Variants in DIS3L2 observed in about 807,000 individuals in gnomAD.
The protein encoded by DIS3L2 is DIS3 like 3'-5' exoribonuclease 2.
Under a neutral mutation model 97.5 loss-of-function variants are expected in DIS3L2, and 34 were observed. The observed-to-expected ratio is 0.35, with a 90% CI of 0.27 to 0.46. The LOEUF (loss-of-function observed/expected upper bound fraction) is 0.46, where lower values mean the gene tolerates loss of function less well. Ranked by LOEUF, DIS3L2 falls within the 20% of genes least tolerant of loss-of-function variation. DIS3L2 has a pLI of 1.00. For missense variants in DIS3L2, 1,038 were observed against 1,146.0 expected (o/e 0.91, Z 1.36); for synonymous variants, 435 against 445.2 (o/e 0.98, Z 0.29).
chr2:232,016,825 C>T (rs914444413), intron 3 of DIS3L2, among the ~76,000 whole-genome samples: 1 of 152,044 alleles, frequency 6.6e-6, no homozygotes, highest in African/African-American at 2.4e-5. Context: ...TCTGAGAGCC[C>T]AGCTTCTGTA....
At chr2:232,322,955 CT>C (rs1695477738) in intron 14 of DIS3L2, among the ~76,000 whole-genome samples, 2 of 152,228 alleles carry the variant, frequency 1.3e-5, no homozygotes, top group Admixed American at 1.3e-4. Context: ...GCTTCCCCTG[CT>C]GGGGCTTGAA....
intron 8 of DIS3L2, among the ~76,000 whole-genome samples, chr2:232,159,367 T>A (rs1690586777): frequency 1.3e-5 from 2 of 152,234 alleles, no homozygotes; most frequent in Non-Finnish European, 2.9e-5. Context: ...CTAGCTGTCA[T>A]GAGTGAATCC....
intron 5 of DIS3L2, among the ~76,000 whole-genome samples, chr2:232,086,395 A>G (rs1390417674): frequency 6.8e-6 from 1 of 146,556 alleles, no homozygotes; most frequent in African/African-American, 2.5e-5. Context: ...GTATATGTAT[A>G]TGTGTATATA....
intron 5 of DIS3L2, among the ~76,000 whole-genome samples, chr2:232,053,855 A>G (rs540904194): frequency 4.1e-4 from 62 of 152,246 alleles, no homozygotes; most frequent in African/African-American, 1.4e-3. Context: ...TGGAGGCCAC[A>G]TTACACAGGG....
intron 14 of DIS3L2, chr2:232,329,049 C>T (rs1559215673): frequency 6.6e-6 from 1 of 152,286 alleles, no homozygotes; most frequent in African/African-American, 2.4e-5. Context: ...TGTGGGGAGC[C>T]ACATCCATTC....
intron 10 of DIS3L2, among the ~76,000 whole-genome samples, chr2:232,229,346 CT>C (rs1376391778): frequency 2.0e-5 from 3 of 152,194 alleles, no homozygotes; most frequent in Non-Finnish European, 4.4e-5. Flanking sequence ...CTTTGACCTG[CT>C]CACTTTGTAA....
At chr2:232,060,662 A>C (rs1025595144) in intron 5 of DIS3L2, among the ~76,000 whole-genome samples, 6 of 152,136 alleles carry the variant, frequency 3.9e-5, no homozygotes, top group Non-Finnish European at 7.4e-5. Context: ...CTTCATATAA[A>C]TTTGAAGATT....
intron 5 of DIS3L2, among the ~76,000 whole-genome samples, chr2:232,045,724 G>GA (rs1431288319): frequency 2.2e-5 from 3 of 139,338 alleles, no homozygotes; most frequent in Non-Finnish European, 4.6e-5. Flanking sequence ...GCCCAGGCTG[G>GA]AGTGCAGTGG....
chr2:232,000,645 TTCCTTTCCTTTCCTTTCTCTTTC>T (rs1372153104), intron 1 of DIS3L2, among the ~76,000 whole-genome samples: 2 of 145,398 alleles, frequency 1.4e-5, no homozygotes, highest in Non-Finnish European at 3.0e-5. Context: ...TTCCTTTCCT[TTCCTTTCCTTTCCTTTCTCTTTC>T]TCTCTTTCTC....
At chr2:232,079,711 G>A (rs1014413448) in intron 5 of DIS3L2, among the ~76,000 whole-genome samples, 1 of 151,856 alleles carries the variant, frequency 6.6e-6, no homozygotes, top group Non-Finnish European at 1.5e-5. Flanking sequence ...TCAGGGAAGT[G>A]TCTCTGACAG....
intron 5 of DIS3L2, among the ~76,000 whole-genome samples, chr2:232,066,575 G>A (rs1695861695): frequency 6.6e-6 from 1 of 151,878 alleles, no homozygotes; most frequent in African/African-American, 2.4e-5. Context: ...TAATAATACT[G>A]GTCTCATAAA....
At chr2:232,062,939 G>T (rs1695753441) in intron 5 of DIS3L2, among the ~76,000 whole-genome samples, 1 of 151,714 alleles carries the variant, frequency 6.6e-6, no homozygotes, top group Non-Finnish European at 1.5e-5. Flanking sequence ...GTTTGTTCTG[G>T]TTTCCCCCTT....
At chr2:232,021,045 A>G (rs1351966410) in intron 3 of DIS3L2, among the ~76,000 whole-genome samples, 1 of 152,180 alleles carries the variant, frequency 6.6e-6, no homozygotes, top group African/African-American at 2.4e-5. Flanking sequence ...AAGGACTCTC[A>G]AACAAGCCAA....
At chr2:232,337,637 C>A (rs1384393737), downstream of DIS3L2, among the ~76,000 whole-genome samples, 4 of 152,060 alleles carry the variant, frequency 2.6e-5, no homozygotes, top group Middle Eastern at 3.2e-3. Context: ...CGTGGCTTGG[C>A]GTCCCCGAGA....
In DIS3L2 at chr2:232,015,685, A is replaced by G. The variant is rs1187008016; in HGVS notation, c.210+14A>G. ...ACACTCATCCAGGTGCTTAAAATCT[A>G]CTGGAAGGCTATTCTCTGAATATGT... is the stretch of plus-strand genomic sequence containing the variant. On this transcript the variant is annotated intron_variant, in intron 3 of 20. Coordinates refer to ENST00000325385, the MANE Select transcript of DIS3L2 (RefSeq NM_152383.5). 6.2e-7 allele frequency: 1 copy of G among 1,612,720 alleles called. No individual in the cohort carries two copies. The highest frequency in any genetic ancestry group is 2.2e-5 in the East Asian group (1 of 44,876).
chr2:232,187,006 A>G (rs1691457326), intron 9 of DIS3L2, among the ~76,000 whole-genome samples: 2 of 152,318 alleles, frequency 1.3e-5, no homozygotes, highest in Admixed American at 1.3e-4. Flanking sequence ...TGAAAGCATA[A>G]CCCTCATGGG....
chr2:232,304,441 C>G (rs1032769730), intron 14 of DIS3L2, among the ~76,000 whole-genome samples: 3 of 152,198 alleles, frequency 2.0e-5, no homozygotes, highest in Non-Finnish European at 4.4e-5. Flanking sequence ...AAGCGCACTC[C>G]AGCACCCTGT....
chr2:231,973,872 A>T (rs922241335), intron 1 of DIS3L2, among the ~76,000 whole-genome samples: 4 of 152,148 alleles, frequency 2.6e-5, no homozygotes, highest in African/African-American at 9.7e-5. Context: ...ACTAATAATT[A>T]CAACAACTAT....
In DIS3L2 at chr2:232,102,651, G is replaced by A. The variant is rs1315687532; in HGVS notation, c.601+14930G>A. Among the ~76,000 whole-genome samples the A allele has an allele frequency of 1.8e-4, 28 of 152,182 alleles. 1 individual carries two copies. The highest frequency in any genetic ancestry group is 1.8e-3 in the Admixed American group (28 of 15,282). ...CAAATGTAGCAATATGTTAATTGGTGAATCAATAGGTGTTCATAATATCAC... is the reference window on the plus strand; with the variant it reads ...CAAATGTAGCAATATGTTAATTGGTAAATCAATAGGTGTTCATAATATCAC... On this transcript the variant is annotated intron_variant, in intron 6 of 20. Transcript: ENST00000325385.
Sources: allele counts gnomAD v4.1 joint callset (sites outside exome capture counted in the v4.1 genomes callset), GRCh38; gene constraint gnomAD v4.1.1; transcripts MANE v1.5; gene names NCBI Gene and HGNC (gene_info 2026-07-23, HGNC 2026-07-21).